EVL: variants seen among roughly 807,000 people sequenced by gnomAD.
The protein encoded by EVL is ena/VASP-like protein.
In EVL, 21 loss-of-function variants were observed where a neutral mutation model predicts 59.6. The ratio of observed to expected loss-of-function variants is 0.35; its 90% CI spans 0.25 to 0.51. The LOEUF is 0.51. EVL is among the 20% of genes least tolerant of loss of function. EVL has a pLI of 0.97. For synonymous variants in EVL, 198 were observed against 203.5 expected, an observed-to-expected ratio of 0.97 and a Z score of 0.23; for missense variants, 462 against 546.6, an observed-to-expected ratio of 0.85 and a Z score of 1.54.
At chr14:100,099,722 T>C (rs1886073863) in intron 3 of EVL, among the ~76,000 whole-genome samples, 1 of 150,020 alleles carries the variant, frequency 6.7e-6, no homozygotes, top group Admixed American at 6.7e-5. Flanking sequence ...GATGTGGGAG[T>C]TAAGCTTTTT....
intron 1 of EVL, among the ~76,000 whole-genome samples, chr14:100,052,085 C>A (rs1039604999): frequency 1.2e-4 from 19 of 152,126 alleles, no homozygotes; most frequent in Admixed American, 8.5e-4. Flanking sequence ...CTTTTTTCTT[C>A]CAGGCTACCA....
intron 4 of EVL, among the ~76,000 whole-genome samples, chr14:100,125,377 G>A (rs1203638493): frequency 6.6e-6 from 1 of 152,116 alleles, no homozygotes; most frequent in African/African-American, 2.4e-5. Flanking sequence ...GAGACTCCAA[G>A]CATCCAAACA....
Position 100,084,716 on chromosome 14 carries a change from C to G in EVL, c.41C>G (p.Ser14Cys). The change falls in exon 2 of 14, where the codon TCC becomes TGC. Residue 14 changes from serine (S) to cysteine (C), a missense_variant. Ser to Cys is a moderately radical substitution (Grantham distance 112). Coordinates refer to ENST00000392920, the MANE Select transcript of EVL (RefSeq NM_016337.3). ...SEQSICQARA[S>C]VMVYDDTSKK... ...CAGAGTATCTGCCAAGCCCGGGCTT[C>G]CGTGATGGTCTACGATGACACCAGT... 6.2e-7 allele frequency: 1 copy of G among 1,614,138 alleles called. No homozygotes were observed. Among genetic ancestry groups the G allele is most frequent in the South Asian group, 1.1e-5 (1 of 91,074 alleles).
At chr14:99,982,916 T>C (rs8018866) in intron 1 of EVL, among the ~76,000 whole-genome samples, 6,100 of 152,262 alleles carry the variant, frequency 0.04, 419 homozygotes, top group African/African-American at 0.14. Context: ...TTTATGAGCC[T>C]CCGTTTTTCT....
At chr14:100,086,796 C>T (rs1469088378) in intron 2 of EVL, among the ~76,000 whole-genome samples, 1 of 152,194 alleles carries the variant, frequency 6.6e-6, no homozygotes, top group African/African-American at 2.4e-5. Flanking sequence ...CAGCCTCCCA[C>T]TTGGAATCAC....
intron 1 of EVL, 110 bp downstream of exon 1, chr14:100,065,621 G>C: frequency 1.8e-6 from 1 of 554,496 alleles, no homozygotes; most frequent in Admixed American, 4.1e-5. Flanking sequence ...TATACTGATC[G>C]AGAAGTCCAT....
chr14:100,040,421 T>C (rs972561741), intron 1 of EVL, among the ~76,000 whole-genome samples: 7 of 152,212 alleles, frequency 4.6e-5, no homozygotes, highest in Non-Finnish European at 7.3e-5. Flanking sequence ...GTTCTTTTTG[T>C]CATTGTTTCC....
At chr14:100,134,672 T>C (rs1297253982) in intron 8 of EVL, 1 of 152,236 alleles carries the variant, frequency 6.6e-6, no homozygotes, top group Non-Finnish European at 1.5e-5. Context: ...ACTAAGTTTA[T>C]CATTAACAGA....
At chr14:100,023,609 G>A (rs2061164233) in intron 1 of EVL, among the ~76,000 whole-genome samples, 1 of 151,662 alleles carries the variant, frequency 6.6e-6, no homozygotes, top group East Asian at 1.9e-4. Context: ...TTACAGACAT[G>A]AGCCACCGCA....
rs1275933385 is a variant in EVL at position 100,127,998 on chromosome 14, G to A, written c.488-521G>A. Among the ~76,000 whole-genome samples, 4 of 152,360 alleles carry A rather than the reference G, an allele frequency of 2.6e-5. No individual in the cohort carries two copies. Among genetic ancestry groups the A allele is most frequent in the African/African-American group, 9.6e-5 (4 of 41,584 alleles). ...GGCTTAGGCAGCACTGGCGGAAGGGGCTGGATGGATGATGCTGGAGCCCAG... is the reference window on the plus strand; with the variant it reads ...GGCTTAGGCAGCACTGGCGGAAGGGACTGGATGGATGATGCTGGAGCCCAG... On this transcript the variant is annotated intron_variant, in intron 5 of 13. Transcript: ENST00000392920. This position sits in a 1 kb window ranked among gnomAD's most constrained non-coding sequence, Gnocchi z 4.2.
intron 1 of EVL, among the ~76,000 whole-genome samples, chr14:100,003,241 C>T (rs1283465718): frequency 2.0e-5 from 3 of 152,144 alleles, no homozygotes; most frequent in Non-Finnish European, 4.4e-5. Context: ...CGATTGGCAT[C>T]TCCTTCCAGG....
At chr14:100,008,661 A>G (rs1303638247) in intron 1 of EVL, among the ~76,000 whole-genome samples, 1 of 152,158 alleles carries the variant, frequency 6.6e-6, no homozygotes, top group Non-Finnish European at 1.5e-5. Flanking sequence ...CATTTTTTTC[A>G]TGGTAGTATG....
At chr14:100,086,793 C>T (rs1462974400) in intron 2 of EVL, among the ~76,000 whole-genome samples, 6 of 152,182 alleles carry the variant, frequency 3.9e-5, no homozygotes, top group Admixed American at 2.0e-4. Context: ...GCACAGCCTC[C>T]CACTTGGAAT....
At chr14:100,033,093 A>G (rs1016938719) in intron 1 of EVL, among the ~76,000 whole-genome samples, 1 of 152,226 alleles carries the variant, frequency 6.6e-6, no homozygotes, top group Admixed American at 6.5e-5. Flanking sequence ...CCAGTGAGCA[A>G]CATCTGTTTG....
At chr14:99,997,849 A>G (rs2060923562) in intron 1 of EVL, among the ~76,000 whole-genome samples, 1 of 152,126 alleles carries the variant, frequency 6.6e-6, no homozygotes, top group South Asian at 2.1e-4. Context: ...CCTAAGGGGA[A>G]ATACTCTATA....
chr14:100,016,555 C>G (rs1263624642), intron 1 of EVL, among the ~76,000 whole-genome samples: 1 of 152,134 alleles, frequency 6.6e-6, no homozygotes, highest in African/African-American at 2.4e-5. Flanking sequence ...CCGGCCTGGG[C>G]AAAAGAGCGA....
intron 3 of EVL, among the ~76,000 whole-genome samples, chr14:100,112,184 TCC>T: frequency 6.6e-6 from 1 of 152,284 alleles, no homozygotes; most frequent in East Asian, 1.9e-4. Flanking sequence ...GGTAGATAAC[TCC>T]GGAGACTCAG....
At chr14:100,052,471 G>A (rs113730471) in intron 1 of EVL, among the ~76,000 whole-genome samples, 2 of 152,154 alleles carry the variant, frequency 1.3e-5, no homozygotes, top group Non-Finnish European at 1.5e-5. Context: ...TGCAGGAGGG[G>A]CCAGGCACGG....
chr14:100,023,432 A>G (rs143050076), intron 1 of EVL, among the ~76,000 whole-genome samples: 3,141 of 143,316 alleles, frequency 0.022, 57 homozygotes, highest in Admixed American at 0.055. Flanking sequence ...GGCTCCAGCA[A>G]TTCTCCTGTC....
Sources: gnomAD v4.1 joint callset for allele counts (sites outside exome capture counted in the v4.1 genomes callset) on GRCh38, gnomAD v4.1.1 for gene constraint, Gnocchi (gnomAD v3.1) non-coding constraint, MANE v1.5 for transcripts, NCBI Gene and HGNC (gene_info 2026-07-23, HGNC 2026-07-21) for gene names.